The following OSBPL9 variants were observed in gnomAD, a reference collection of about 807,000 sequenced individuals.
OSBPL9 encodes oxysterol binding protein like 9, also known as oxysterol-binding protein-related protein 9.
In OSBPL9, 40 loss-of-function variants were observed where a neutral mutation model predicts 106.6. The ratio of observed to expected loss-of-function variants is 0.38; its 90% CI spans 0.29 to 0.49. The LOEUF is 0.49. Among genes scored for constraint, OSBPL9 ranks in the 20% least tolerant of loss-of-function variants. The probability of loss-of-function intolerance (pLI) is 0.97; values close to 1 mark genes in which losing one functional copy is unlikely to be tolerated. For missense variants in OSBPL9, 609 were observed against 887.2 expected, an observed-to-expected ratio of 0.69 and a Z score of 3.98; for synonymous variants, 269 against 295.4, an observed-to-expected ratio of 0.91 and a Z score of 0.92.
intron 2 of OSBPL9, among the ~76,000 whole-genome samples, chr1:51,668,696 A>G (rs1293791713): frequency 1.3e-5 from 2 of 152,212 alleles, no homozygotes; most frequent in Non-Finnish European, 2.9e-5. Flanking sequence ...CGCCTTCCCA[A>G]AACAACTTGT....
chr1:51,528,660 T>C, the OSBPL9 span, among the ~76,000 whole-genome samples: 4,822 of 152,172 alleles, frequency 0.032, 124 homozygotes, highest in Non-Finnish European at 0.05. Flanking sequence ...TCGCTTGAGG[T>C]CAGGAGTTTG....
At chr1:51,562,969 G>C in the OSBPL9 span, among the ~76,000 whole-genome samples, 4 of 152,126 alleles carry the variant, frequency 2.6e-5, no homozygotes, top group Admixed American at 6.6e-5. Flanking sequence ...AGCACTTTGG[G>C]AGGCAAAGGC....
chr1:51,758,487 G>A (rs953209141), intron 9 of OSBPL9, among the ~76,000 whole-genome samples: 4 of 151,060 alleles, frequency 2.6e-5, no homozygotes, highest in South Asian at 2.1e-4. Flanking sequence ...TTAATGATAC[G>A]GCATTTAACA....
intron 1 of OSBPL9, among the ~76,000 whole-genome samples, chr1:51,639,901 T>C (rs994431337): frequency 6.7e-5 from 10 of 149,332 alleles, no homozygotes; most frequent in African/African-American, 2.5e-4. Context: ...CAGGGGTCAT[T>C]GCAGCCTTGA....
intron 3 of OSBPL9, among the ~76,000 whole-genome samples, chr1:51,672,788 A>C (rs1428327994): frequency 6.6e-6 from 1 of 152,218 alleles, no homozygotes; most frequent in Admixed American, 6.5e-5. Flanking sequence ...TGGAGTTGCC[A>C]TTAACTGAAG....
intron 3 of OSBPL9, among the ~76,000 whole-genome samples, chr1:51,697,114 C>T (rs971835102): frequency 2.0e-4 from 31 of 151,392 alleles, no homozygotes; most frequent in African/African-American, 7.3e-4. Context: ...AAGCTATGAT[C>T]ATGCCACTGC....
chr1:51,597,769 T>G (rs766541750), intron 1 of OSBPL9, among the ~76,000 whole-genome samples: 29 of 152,178 alleles, frequency 1.9e-4, no homozygotes, highest in Non-Finnish European at 4.1e-4. Flanking sequence ...TTTAGAATTC[T>G]AGGTTGTTTG....
At chr1:51,625,441 T>A (rs1644709817) in intron 1 of OSBPL9, among the ~76,000 whole-genome samples, 1 of 152,210 alleles carries the variant, frequency 6.6e-6, no homozygotes, top group Admixed American at 6.5e-5. Flanking sequence ...TTTTACTGTT[T>A]ATAGAGAAAT....
intron 3 of OSBPL9, among the ~76,000 whole-genome samples, chr1:51,672,210 A>T (rs183235329): frequency 8.7e-4 from 133 of 152,336 alleles, no homozygotes; most frequent in Non-Finnish European, 1.5e-4. Flanking sequence ...GGGCAAGGAC[A>T]GAAGTAGGGA....
At chr1:51,688,195 A>G (rs1433405549) in intron 3 of OSBPL9, among the ~76,000 whole-genome samples, 1 of 152,220 alleles carries the variant, frequency 6.6e-6, no homozygotes, top group African/African-American at 2.4e-5. Context: ...AATTTTAGCA[A>G]TGTGGACAGG....
Position 51,729,690 on chromosome 1 carries a change from CCT to C in OSBPL9, c.318+15615_318+15616del. The C allele has an allele frequency of 1.8e-6, 1 of 550,342 alleles. No individual in the cohort carries two copies. The highest frequency in any genetic ancestry group is 9.6e-5 in the South Asian group (1 of 10,436). 34.1% of individuals were successfully genotyped at this position (550,342 alleles called of 1,614,324 possible). On this transcript the variant is annotated intron_variant, in intron 4 of 23. Transcript: ENST00000428468. This position sits in a 1 kb window ranked among gnomAD's most constrained non-coding sequence, Gnocchi z 5.1. ...AACTGGCCCAACCGCCAATCGTCTG[CCT>C]CTCACCTCCTACAGCAGGTGACCCA...
chr1:51,669,240 G>A (rs72898022), intron 2 of OSBPL9, among the ~76,000 whole-genome samples, 194 bp from the exon 3 acceptor site: 4,914 of 152,234 alleles, frequency 0.032, 161 homozygotes, highest in Middle Eastern at 0.088. Flanking sequence ...CCTGTACATG[G>A]TACTAGAGTG....
chr1:51,547,201 T>C, the OSBPL9 span, among the ~76,000 whole-genome samples: 6 of 152,250 alleles, frequency 3.9e-5, no homozygotes, highest in African/African-American at 1.4e-4. Flanking sequence ...CATTAAAATA[T>C]TTATTGTGTG....
At chr1:51,564,052 C>CAAAAAAAAAAAAAAAAAAAAAAAAAAAAA in the OSBPL9 span, among the ~76,000 whole-genome samples, 4 of 27,382 alleles carry the variant, frequency 1.5e-4, no homozygotes, top group African/African-American at 4.9e-4. Flanking sequence ...GAGATCATCT[C>CAAAAAAAAAAAAAAAAAAAAAAAAAAAAA]AAAAAAAAAA....
At chr1:51,595,741 G>A (rs1045188671) in intron 1 of OSBPL9, among the ~76,000 whole-genome samples, 2 of 152,286 alleles carry the variant, frequency 1.3e-5, no homozygotes, top group East Asian at 1.9e-4. Context: ...ATTGTATTAT[G>A]TGCTAAGCAC....
intron 21 of OSBPL9, 57 bp from the exon 22 acceptor site, chr1:51,786,469 T>C: frequency 2.5e-6 from 3 of 1,190,048 alleles, no homozygotes; most frequent in Middle Eastern, 1.9e-4. Flanking sequence ...ACAATGCATC[T>C]AACATTAGGT....
At chr1:51,783,711 G>C (rs1557872964) in intron 17 of OSBPL9, among the ~76,000 whole-genome samples, 1 of 152,248 alleles carries the variant, frequency 6.6e-6, no homozygotes, top group East Asian at 1.9e-4. Flanking sequence ...ATCATTTCAG[G>C]GATGATCCTG....
At chr1:51,719,399 G>A (rs1661645842) in intron 4 of OSBPL9, among the ~76,000 whole-genome samples, 1 of 151,924 alleles carries the variant, frequency 6.6e-6, no homozygotes, top group African/African-American at 2.4e-5. Context: ...GAGGCATTCA[G>A]TAGATATCTG....
the OSBPL9 span, among the ~76,000 whole-genome samples, chr1:51,558,062 C>T: frequency 0.02 from 3,021 of 152,220 alleles, 76 homozygotes; most frequent in East Asian, 0.12. Context: ...GGGCAGATCA[C>T]GAGGTCAGGA....
Sources: allele counts gnomAD v4.1 joint callset (sites outside exome capture counted in the v4.1 genomes callset), GRCh38; gene constraint gnomAD v4.1.1; non-coding constraint Gnocchi (gnomAD v3.1); transcripts MANE v1.5; gene names NCBI Gene and HGNC (gene_info 2026-07-23, HGNC 2026-07-21).